The following SPOCK3 variants were observed in gnomAD, a reference collection of about 807,000 sequenced individuals.
SPOCK3 encodes the protein SPARC (osteonectin), cwcv and kazal like domains proteoglycan 3, also known as testican-3.
Under a neutral mutation model 56.6 loss-of-function variants are expected in SPOCK3, and 30 were observed. The ratio of observed to expected loss-of-function variants is 0.53; its 90% confidence interval spans 0.40 to 0.72. SPOCK3 has a LOEUF of 0.72. Ranked by LOEUF, SPOCK3 falls within the 30% of genes least tolerant of loss-of-function variation. The pLI is 0.00. For synonymous variants in SPOCK3, 196 were observed against 183.3 expected (o/e 1.07, Z -0.56); for missense variants, 527 against 530.0 (o/e 0.99, Z 0.06).
chr4:167,106,683 T>G (rs1760181679), intron 2 of SPOCK3, among the ~76,000 whole-genome samples: 1 of 142,684 alleles, frequency 7.0e-6, no homozygotes, highest in Non-Finnish European at 1.5e-5. Flanking sequence ...AAAGAAAAAA[T>G]GCAAAGGATC....
At chr4:166,764,328 T>C (rs1169059686) in intron 7 of SPOCK3, among the ~76,000 whole-genome samples, 5 of 152,070 alleles carry the variant, frequency 3.3e-5, no homozygotes, top group Admixed American at 6.6e-5. Context: ...CTCCTAATGC[T>C]TTCCCTCCCC....
At chr4:166,908,758 T>A (rs1736909547) in intron 5 of SPOCK3, among the ~76,000 whole-genome samples, 2 of 152,066 alleles carry the variant, frequency 1.3e-5, no homozygotes, top group Admixed American at 6.6e-5. Flanking sequence ...AAATGTAACG[T>A]ACACTTTACA....
At chr4:166,896,969 G>A (rs1238012514) in intron 5 of SPOCK3, among the ~76,000 whole-genome samples, 3 of 151,866 alleles carry the variant, frequency 2.0e-5, no homozygotes, top group African/African-American at 7.3e-5. Flanking sequence ...GGAGGGCAGG[G>A]GAAAAGATTA....
At chr4:166,959,855 T>A (rs962367219) in intron 4 of SPOCK3, among the ~76,000 whole-genome samples, 1 of 152,122 alleles carries the variant, frequency 6.6e-6, no homozygotes, top group Admixed American at 6.6e-5. Flanking sequence ...TCACAATAAG[T>A]AAACATAGAA....
intron 2 of SPOCK3, among the ~76,000 whole-genome samples, chr4:167,222,961 A>C (rs184371145): frequency 0.018 from 2,210 of 123,074 alleles, 97 homozygotes; most frequent in Non-Finnish European, 0.024. Context: ...TATATATTAT[A>C]CATATTTTAT....
intron 3 of SPOCK3, chr4:167,011,253 A>G (rs768448894): frequency 8.8e-6 from 4 of 456,014 alleles, no homozygotes. Flanking sequence ...GAAGGCAGTT[A>G]TGGCAATATT....
intron 3 of SPOCK3, among the ~76,000 whole-genome samples, chr4:167,003,583 T>C (rs1749160186): frequency 6.6e-6 from 1 of 152,208 alleles, no homozygotes; most frequent in Admixed American, 6.5e-5. Context: ...CCCTCTGTTG[T>C]GTTCTTCTTT....
chr4:167,221,422 G>A (rs1191257016), intron 2 of SPOCK3, among the ~76,000 whole-genome samples: 1 of 151,984 alleles, frequency 6.6e-6, no homozygotes, highest in African/African-American at 2.4e-5. Context: ...TGAGCTGTCT[G>A]TAGTAACTGT....
intron 8 of SPOCK3, among the ~76,000 whole-genome samples, chr4:166,742,690 A>G (rs2126404206): frequency 6.6e-6 from 1 of 152,306 alleles, no homozygotes; most frequent in East Asian, 1.9e-4. Flanking sequence ...AGGATATAAT[A>G]TAAAATTATT....
intron 6 of SPOCK3, among the ~76,000 whole-genome samples, chr4:166,796,029 C>T (rs1457934858): frequency 2.6e-5 from 4 of 152,150 alleles, no homozygotes; most frequent in African/African-American, 9.7e-5. Context: ...ATCCTTCTCC[C>T]CTTCCACCAT....
intron 2 of SPOCK3, among the ~76,000 whole-genome samples, chr4:167,230,898 G>T (rs890117963): frequency 1.3e-5 from 2 of 152,070 alleles, no homozygotes; most frequent in Non-Finnish European, 2.9e-5. Flanking sequence ...AAAAATACTT[G>T]AGGTTTCTCC....
Position 167,045,456 on chromosome 4 carries a change from G to T in SPOCK3, c.235+17036C>A, listed in dbSNP as rs1753629804. Among the ~76,000 whole-genome samples the T allele has an allele frequency of 2.6e-5, 4 of 151,910 alleles. No homozygotes were observed. In the South Asian group the frequency reaches 8.3e-4, roughly 32 times the overall value. ...ACTGTTTTCTATTTGTTAGCTTTGT[G>T]CTTTGTTTCTATTTTCTTTCATTTT... On this transcript the variant is annotated intron_variant, in intron 3 of 10. Transcript: ENST00000357545.
chr4:167,197,129 G>T lies in SPOCK3; in HGVS notation c.189+36856C>A, dbSNP rs1733034826. 1.3e-5 allele frequency among the ~76,000 whole-genome samples: 2 copies of T among 152,016 alleles called. 1 individual carries two copies. The highest frequency in any genetic ancestry group is 4.1e-4 in the South Asian group (2 of 4,834). On this transcript the variant is annotated intron_variant, in intron 2 of 10. Coordinates refer to ENST00000357545, the MANE Select transcript of SPOCK3 (RefSeq NM_001040159.2). ...ATCTACCAGGCTTGGGTCAACTCTG[G>T]GTAGCCATGATAATTTACCCAACCT...
chr4:167,176,727 G>A (rs146001598), intron 2 of SPOCK3, among the ~76,000 whole-genome samples: 6 of 152,196 alleles, frequency 3.9e-5, no homozygotes, highest in Non-Finnish European at 7.4e-5. Context: ...GATTGGAACT[G>A]GACAGGGTAG....
chr4:166,953,159 G>T (rs1286255392), intron 4 of SPOCK3, among the ~76,000 whole-genome samples: 1 of 151,034 alleles, frequency 6.6e-6, no homozygotes, highest in Non-Finnish European at 1.5e-5. Flanking sequence ...CCTACAAAAT[G>T]GGAGAAAATT....
At chr4:167,145,752 C>A (rs984347029) in intron 2 of SPOCK3, among the ~76,000 whole-genome samples, 2 of 152,094 alleles carry the variant, frequency 1.3e-5, no homozygotes, top group African/African-American at 4.8e-5. Context: ...TACAGACAAG[C>A]AAATGCTGAG....
intron 5 of SPOCK3, among the ~76,000 whole-genome samples, chr4:166,898,543 T>C (rs1204461747): frequency 6.6e-6 from 1 of 152,158 alleles, no homozygotes; most frequent in Non-Finnish European, 1.5e-5. Context: ...TAAAAGGTAA[T>C]AAGGAAGGTA....
At chr4:166,961,334 T>G (rs1225104389) in intron 4 of SPOCK3, among the ~76,000 whole-genome samples, 1 of 151,896 alleles carries the variant, frequency 6.6e-6, no homozygotes, top group Admixed American at 6.6e-5. Flanking sequence ...TTTAAGCATA[T>G]AATCTAACAG....
chr4:166,918,700 TA>T (rs1477280752), intron 4 of SPOCK3, among the ~76,000 whole-genome samples: 1 of 152,202 alleles, frequency 6.6e-6, no homozygotes, highest in East Asian at 1.9e-4. Flanking sequence ...AAAATACCTT[TA>T]AAAATTATTC....
Sources: gnomAD v4.1 joint callset for allele counts (sites outside exome capture counted in the v4.1 genomes callset) on GRCh38, gnomAD v4.1.1 for gene constraint, MANE v1.5 for transcripts, NCBI Gene and HGNC (gene_info 2026-07-23, HGNC 2026-07-21) for gene names.